Variants in SLC8A3 observed in about 807,000 individuals in gnomAD.
SLC8A3 encodes the protein solute carrier family 8 member A3.
In SLC8A3, 37 loss-of-function variants were observed where a neutral mutation model predicts 65.4. The ratio of observed to expected loss-of-function variants is 0.57; its 90% CI spans 0.44 to 0.74. The LOEUF is 0.74. SLC8A3 is among the 30% of genes least tolerant of loss of function. The pLI, the probability that SLC8A3 is intolerant of heterozygous loss-of-function variation, is 0.00. For synonymous variants in SLC8A3, 461 were observed against 444.5 expected, an observed-to-expected ratio of 1.04 and a Z score of -0.47; for missense variants, 1,112 against 1,172.1, an observed-to-expected ratio of 0.95 and a Z score of 0.75.
chr14:70,116,519 C>T (rs536634668), intron 2 of SLC8A3, among the ~76,000 whole-genome samples: 2 of 152,270 alleles, frequency 1.3e-5, no homozygotes, highest in African/African-American at 2.4e-5. Flanking sequence ...CAAAGCAGGC[C>T]CAGGCCTTTA....
At chr14:70,164,554 C>G (rs760446636) in intron 2 of SLC8A3, among the ~76,000 whole-genome samples, 9 of 152,096 alleles carry the variant, frequency 5.9e-5, no homozygotes, top group Non-Finnish European at 1.2e-4. Flanking sequence ...AGATATTATA[C>G]AAACTGAAAA....
intron 1 of SLC8A3, among the ~76,000 whole-genome samples, chr14:70,174,951 T>C (rs1323480342): frequency 1.3e-5 from 2 of 152,128 alleles, no homozygotes; most frequent in Admixed American, 6.6e-5. Context: ...AATGTTGCAG[T>C]CGTATGTGAG....
At chr14:70,141,729 G>A (rs1385131708) in intron 2 of SLC8A3, among the ~76,000 whole-genome samples, 2 of 152,322 alleles carry the variant, frequency 1.3e-5, no homozygotes, top group South Asian at 2.1e-4. Context: ...AGGAAATAGC[G>A]TTTAGTTTTA....
chr14:70,135,293 A>T (rs918851607), intron 2 of SLC8A3, among the ~76,000 whole-genome samples: 1 of 152,206 alleles, frequency 6.6e-6, no homozygotes, highest in Non-Finnish European at 1.5e-5. Flanking sequence ...TGTTGGTGGG[A>T]ATGTAAGTAA....
intron 2 of SLC8A3, among the ~76,000 whole-genome samples, chr14:70,076,725 T>C (rs980382239): frequency 2.6e-5 from 4 of 152,192 alleles, no homozygotes; most frequent in Non-Finnish European, 5.9e-5. Flanking sequence ...AAAACATGCA[T>C]GAAAATAGTC....
intron 2 of SLC8A3, among the ~76,000 whole-genome samples, chr14:70,079,487 AGT>A (rs1890849494): frequency 6.6e-6 from 1 of 151,932 alleles, no homozygotes; most frequent in Admixed American, 6.6e-5. Flanking sequence ...TGGGCGACAG[AGT>A]GAGACTCCAT....
At chr14:70,077,861 C>T (rs1890678202) in intron 2 of SLC8A3, among the ~76,000 whole-genome samples, 1 of 152,246 alleles carries the variant, frequency 6.6e-6, no homozygotes, top group South Asian at 2.1e-4. Flanking sequence ...GTTTCCCTTG[C>T]AAAAGACATC....
At chr14:70,107,646 T>C (rs918273922) in intron 2 of SLC8A3, among the ~76,000 whole-genome samples, 2 of 152,124 alleles carry the variant, frequency 1.3e-5, no homozygotes, top group Non-Finnish European at 1.5e-5. Flanking sequence ...CACATCTTTT[T>C]ATATAAGCTG....
chr14:70,070,295 G>T (rs534448800), intron 2 of SLC8A3, among the ~76,000 whole-genome samples: 1 of 152,192 alleles, frequency 6.6e-6, no homozygotes, highest in East Asian at 1.9e-4. Flanking sequence ...TGTTAGATAG[G>T]TAGAGGCCAG....
intron 2 of SLC8A3, among the ~76,000 whole-genome samples, chr14:70,067,319 C>T (rs561865492): frequency 1.3e-5 from 2 of 152,200 alleles, no homozygotes; most frequent in Non-Finnish European, 2.9e-5. Context: ...CTCAACACAG[C>T]CTGAAGTTAG....
At chr14:70,071,045 G>A (rs1889962366) in intron 2 of SLC8A3, among the ~76,000 whole-genome samples, 1 of 152,218 alleles carries the variant, frequency 6.6e-6, no homozygotes, top group African/African-American at 2.4e-5. Flanking sequence ...GATTGTGGTG[G>A]GAAAGAATAG....
intron 2 of SLC8A3, among the ~76,000 whole-genome samples, chr14:70,096,742 A>G (rs1892205852): frequency 6.6e-6 from 1 of 152,218 alleles, no homozygotes; most frequent in Admixed American, 6.5e-5. Flanking sequence ...AGTCCTAAAC[A>G]CAACAGAGAA....
chr14:70,181,244 T>A (rs1455207531), intron 1 of SLC8A3, among the ~76,000 whole-genome samples: 1 of 152,208 alleles, frequency 6.6e-6, no homozygotes, highest in Non-Finnish European at 1.5e-5. Context: ...TGACACCATT[T>A]TCCTGTCCCT....
In SLC8A3 at chr14:70,167,230, A is replaced by G. The variant is rs1200018894; in HGVS notation, c.1193T>C (p.Val398Ala). 5.0e-6 allele frequency: 8 copies of G among 1,614,130 alleles called. No homozygotes were observed. The highest frequency in any genetic ancestry group is 6.8e-6 in the Non-Finnish European group (8 of 1,180,016). The part of the protein sequence containing the change: ...TDEPEDFISK[V>A]FFDPCSYQCL... The stretch of plus-strand genomic sequence containing the variant: ...CTGGTAAGAACATGGGTCAAAGAAG[A>G]CCTTGGAAATAAAGTCCTCAGGCTC... Residue 398 changes from valine (V) to alanine (A), a missense_variant, in exon 2 of 7, where the codon GTC becomes GCC. Coordinates refer to ENST00000356921, the MANE Select transcript of SLC8A3 (RefSeq NM_182932.3).
chr14:70,118,958 T>G (rs943739892), intron 2 of SLC8A3, among the ~76,000 whole-genome samples: 3 of 152,212 alleles, frequency 2.0e-5, no homozygotes, highest in Non-Finnish European at 4.4e-5. Flanking sequence ...GAGCTCATAC[T>G]GCTCATCTGA....
At position 70,064,006 on chromosome 14, in the gene SLC8A3, A is replaced by C; in HGVS notation, c.1785-3067T>G. 5.1e-6 allele frequency: 4 copies of C among 778,602 alleles called. No individual in the cohort carries two copies. The South Asian group carries it at 6.5e-5, about 13-fold the overall frequency. 48.2% of individuals were successfully genotyped at this position (778,602 alleles called of 1,614,324 possible). On this transcript the variant is annotated intron_variant, in intron 2 of 6. Transcript: ENST00000356921. ...TCAGCCAGCAGACAAAAACGGGAAG[A>C]GAAGGAAACAGTTAAAAGATTCAGA...
chr14:70,080,611 G>A lies in SLC8A3; in HGVS notation c.1785-19672C>T, dbSNP rs1890972177. Among the ~76,000 whole-genome samples, 6 of 152,170 alleles carry A rather than the reference G, an allele frequency of 3.9e-5. No homozygotes were observed. In the South Asian group the frequency reaches 8.3e-4, roughly 21 times the overall value. On this transcript the variant is annotated intron_variant, in intron 2 of 6. Transcript: ENST00000356921. ...ATGACATCAGTTATGTTGGAGTTTG[G>A]AAGATGTTCAGACCAGACTCCTTCA...
intron 2 of SLC8A3, among the ~76,000 whole-genome samples, chr14:70,140,235 A>T (rs75710875): frequency 1.1e-3 from 163 of 152,272 alleles, no homozygotes; most frequent in Non-Finnish European, 1.8e-3. Context: ...GGAGAAAATG[A>T]GTGGAGAAAA....
chr14:70,079,380 G>C (rs1890840977), intron 2 of SLC8A3, among the ~76,000 whole-genome samples: 1 of 148,464 alleles, frequency 6.7e-6, no homozygotes, highest in East Asian at 2.0e-4. Flanking sequence ...GTGCACATCT[G>C]TAATCCCAGC....
Sources: gnomAD v4.1 joint callset for allele counts (sites outside exome capture counted in the v4.1 genomes callset) on GRCh38, gnomAD v4.1.1 for gene constraint, MANE v1.5 for transcripts, NCBI Gene and HGNC (gene_info 2026-07-23, HGNC 2026-07-21) for gene names.